ZNF544: variants seen among roughly 807,000 people sequenced by gnomAD.
The protein encoded by ZNF544 is zinc finger protein AF020591.
Under a neutral mutation model 13.5 loss-of-function variants are expected in ZNF544, and 10 were observed. That is an observed-to-expected ratio of 0.74 (90% CI 0.46 to 1.25). The LOEUF (loss-of-function observed/expected upper bound fraction) is 1.25, where lower values mean the gene tolerates loss of function less well. Ranked by LOEUF, ZNF544 falls within the 50% of genes most tolerant of loss-of-function variation. ZNF544 has a pLI of 0.00. For missense variants in ZNF544, 896 were observed against 845.6 expected, an observed-to-expected ratio of 1.06 and a Z score of -0.74; for synonymous variants, 323 against 300.5, an observed-to-expected ratio of 1.07 and a Z score of -0.77.
At position 58,261,047 on chromosome 19, in the gene ZNF544, A is replaced by G. The variant is rs754986364; in HGVS notation, c.441A>G (p.Ser147=). 2.5e-6 allele frequency: 4 copies of G among 1,614,218 alleles called. No individual in the cohort carries two copies. Residue 147 remains serine, a synonymous_variant, in exon 7 of 7, where the codon TCA becomes TCG. Transcript: ENST00000687789. ...CCTTGAGGTTCATGGTACTCACCTC[A>G]GAGAGACTGTTTGCTCAAAGGGAAC... ...ENSLRFMVLT[S]ERLFAQREHC...
At chr19:58,246,162 T>C in intron 4 of ZNF544, 139 bp from the exon 5 acceptor site, 1 of 1,191,080 alleles carries the variant, frequency 8.4e-7, no homozygotes, top group Non-Finnish European at 1.2e-6. Context: ...AGACCCCACC[T>C]CTTAACACTA....
chr19:58,262,909 C>T lies in ZNF544; in HGVS notation c.*155C>T. On this transcript the variant is annotated 3_prime_UTR_variant, in exon 7 of 7. Transcript: ENST00000687789. Reference sequence around the variant, plus strand: ...AGAGGACATATCCTGGAGAAAAGCCCTACGAATGCATTGATTGTGGGAAAG... The same window carrying T: ...AGAGGACATATCCTGGAGAAAAGCCTTACGAATGCATTGATTGTGGGAAAG... The T allele has an allele frequency of 2.8e-5, 41 of 1,460,126 alleles. No individual in the cohort carries two copies. Among genetic ancestry groups the T allele is most frequent in the Non-Finnish European group, 3.5e-5 (39 of 1,113,056 alleles). The allele number at this position is 1,460,126 out of a possible 1,614,324, so 90.4% of individuals were successfully genotyped here.
At chr19:58,250,999 C>T (rs1234921448) in intron 6 of ZNF544, among the ~76,000 whole-genome samples, 3 of 152,130 alleles carry the variant, frequency 2.0e-5, no homozygotes, top group Non-Finnish European at 2.9e-5. Context: ...TCCCATTATG[C>T]GTGGTCCTGT....
At position 58,262,268 on chromosome 19, in the gene ZNF544, G is replaced by GA. The variant is rs2049130872; in HGVS notation, c.1665dup (p.Ser556IlefsTer7). ...AACCGTATCAGTGTATTGAATGTGG[G>GA]AAATCCTTCAGATGGAACTCTAACC... is the stretch of plus-strand genomic sequence containing the variant. On this transcript the variant is annotated frameshift_variant, in exon 7 of 7. Transcript: ENST00000687789. LOFTEE classifies it low-confidence loss of function (END_TRUNC). 3 of 1,611,726 alleles carry GA rather than the reference G, an allele frequency of 1.9e-6. No homozygotes were observed. Among genetic ancestry groups the GA allele is most frequent in the Non-Finnish European group, 2.5e-6 (3 of 1,179,468 alleles).
chr19:58,229,889 T>G (rs2040838512), intron 2 of ZNF544: 1 of 152,520 alleles, frequency 6.6e-6, no homozygotes, highest in Non-Finnish European at 1.5e-5. Context: ...TGGAAATGAC[T>G]CCGTGTAAGG....
intron 5 of ZNF544, among the ~76,000 whole-genome samples, chr19:58,271,372 C>T (rs572646861): frequency 7.9e-5 from 12 of 151,334 alleles, no homozygotes; most frequent in Non-Finnish European, 1.8e-4. Flanking sequence ...GAGGCTGAGG[C>T]AGGTGGATCA....
intron 3 of ZNF544, among the ~76,000 whole-genome samples, chr19:58,237,126 G>A (rs1028728387): frequency 6.8e-6 from 1 of 146,692 alleles, no homozygotes; most frequent in Non-Finnish European, 1.5e-5. Flanking sequence ...GTGCAGCGGT[G>A]TGATCTTGGC....
intron 5 of ZNF544, among the ~76,000 whole-genome samples, chr19:58,269,747 CCT>C (rs1261944996): frequency 6.6e-6 from 1 of 152,032 alleles, no homozygotes; most frequent in Non-Finnish European, 1.5e-5. Flanking sequence ...ATGGTGAAAC[CCT>C]GTCTCTACTA....
intron 6 of ZNF544, among the ~76,000 whole-genome samples, chr19:58,253,385 G>A (rs993654972): frequency 1.3e-5 from 2 of 152,108 alleles, no homozygotes; most frequent in African/African-American, 4.8e-5. Context: ...TAAATACACA[G>A]GTATTTTTGC....
chr19:58,254,539 G>T (rs559271014), intron 6 of ZNF544, among the ~76,000 whole-genome samples: 4 of 152,180 alleles, frequency 2.6e-5, no homozygotes, highest in African/African-American at 9.6e-5. Context: ...TTGAGGTCTG[G>T]AGTTGGATCC....
intron 6 of ZNF544, 62 bp downstream of exon 6, chr19:58,246,856 G>A (rs2045337478): frequency 7.1e-6 from 11 of 1,538,582 alleles, no homozygotes; most frequent in African/African-American, 1.4e-5. Context: ...AGAGCTCTCC[G>A]CAGGGCCCCA....
chr19:58,237,540 G>A lies in ZNF544; in HGVS notation c.-59-6425G>A, dbSNP rs537270220. 7.9e-5 allele frequency among the ~76,000 whole-genome samples: 12 copies of A among 152,238 alleles called. No homozygotes were observed. In the South Asian group the frequency reaches 8.3e-4, roughly 11 times the overall value. ...TGGCCTGGAGGGCGGCTCACCTCAC[G>A]GGCTGACGGAGCCAGACCCTTGCCC... is the stretch of plus-strand genomic sequence containing the variant. On this transcript the variant is annotated intron_variant, in intron 3 of 6. Coordinates refer to ENST00000687789, the MANE Select transcript of ZNF544 (RefSeq NM_014480.4).
At chr19:58,273,516 C>G (rs1182458188) in intron 5 of ZNF544, among the ~76,000 whole-genome samples, 1 of 151,858 alleles carries the variant, frequency 6.6e-6, no homozygotes, top group Non-Finnish European at 1.5e-5. Context: ...GGCCGAAACC[C>G]TGTCTCTACT....
At chr19:58,264,694 A>AAAAC (rs199848913), downstream of ZNF544, among the ~76,000 whole-genome samples, 3 of 151,536 alleles carry the variant, frequency 2.0e-5, no homozygotes, top group Non-Finnish European at 4.4e-5. Context: ...GTGTCTCAAA[A>AAAAC]AAACAAACAA....
chr19:58,263,471 C>A lies in ZNF544; in HGVS notation c.*717C>A. ...TGAGACACTCTAAATAAATAATAAC[C>A]AAGATGGGAAATTTCCCTGCCAGAC... On this transcript the variant is annotated 3_prime_UTR_variant, in exon 7 of 7. Coordinates refer to ENST00000687789, the MANE Select transcript of ZNF544 (RefSeq NM_014480.4). 2.0e-6 allele frequency: 2 copies of A among 985,260 alleles called. No individual in the cohort carries two copies. The highest frequency in any genetic ancestry group is 2.4e-6 in the Non-Finnish European group (2 of 829,918). The allele number at this position is 985,260 out of a possible 1,614,324, so 61.0% of individuals were successfully genotyped here.
intron 6 of ZNF544, chr19:58,259,056 TG>T (rs1351176572): frequency 6.6e-6 from 1 of 152,204 alleles, no homozygotes; most frequent in African/African-American, 2.4e-5. Context: ...GATTCATTGA[TG>T]CCTCAAAATA....
chr19:58,240,415 GC>G (rs906448600), intron 3 of ZNF544, among the ~76,000 whole-genome samples: 43 of 151,634 alleles, frequency 2.8e-4, no homozygotes, highest in African/African-American at 1.0e-3. Context: ...CCACCACCAC[GC>G]CCGTCTAATT....
chr19:58,260,799 C>T, intron 6 of ZNF544, 52 bp from the exon 7 acceptor site: 3 of 1,485,704 alleles, frequency 2.0e-6, no homozygotes, highest in South Asian at 1.4e-5. Flanking sequence ...TCCCCCTCCC[C>T]CTCCCCCTCT....
chr19:58,250,962 G>T (rs1255281577), intron 6 of ZNF544, among the ~76,000 whole-genome samples: 1 of 152,202 alleles, frequency 6.6e-6, no homozygotes, highest in South Asian at 2.1e-4. Context: ...GGGGTAAAGT[G>T]AAGCTCTGTT....
Sources: allele counts gnomAD v4.1 joint callset (sites outside exome capture counted in the v4.1 genomes callset), GRCh38; gene constraint gnomAD v4.1.1; transcripts MANE v1.5; gene names NCBI Gene and HGNC (gene_info 2026-07-23, HGNC 2026-07-21).